GGA2: variants seen among roughly 807,000 people sequenced by gnomAD.
GGA2 encodes golgi associated, gamma adaptin ear containing, ARF binding protein 2, also known as ADP-ribosylation factor-binding protein GGA2.
GGA2 carries 48 observed loss-of-function variants against 79.5 expected under a neutral mutation model. The observed-to-expected ratio is 0.60, with a 90% CI of 0.48 to 0.77. GGA2 has a LOEUF of 0.77. Ranked by LOEUF, GGA2 falls within the 30% of genes least tolerant of loss-of-function variation. GGA2 has a pLI of 0.00. For missense variants in GGA2, 770 were observed against 774.0 expected (o/e 0.99, Z 0.06); for synonymous variants, 317 against 302.0 (o/e 1.05, Z -0.51).
intron 9 of GGA2, among the ~76,000 whole-genome samples, chr16:23,482,325 T>C (rs546968945): frequency 8.5e-4 from 129 of 152,180 alleles, no homozygotes; most frequent in African/African-American, 3.0e-3. Context: ...AGGGAATGGG[T>C]GTGTACAAAG....
intron 11 of GGA2, among the ~76,000 whole-genome samples, chr16:23,479,444 A>G (rs1964619750): frequency 7.0e-6 from 1 of 143,648 alleles, no homozygotes; most frequent in African/African-American, 2.7e-5. Flanking sequence ...AACCACCCTG[A>G]TTCCCTCAGC....
chr16:23,485,489 T>G (rs1156853384), intron 8 of GGA2, among the ~76,000 whole-genome samples: 1 of 152,176 alleles, frequency 6.6e-6, no homozygotes, highest in African/African-American at 2.4e-5. Flanking sequence ...GTTAAATATA[T>G]ACTTAGCATA....
In GGA2 at chr16:23,465,224, G is replaced by A. The variant is rs1029965951; in HGVS notation, c.*2366C>T. On this transcript the variant is annotated 3_prime_UTR_variant, in exon 17 of 17. Transcript: ENST00000309859. ...TGGACTTGAAATCCTGGGCTCAAGC[G>A]GTCATCCCACTCAGCCTCCCAAAAT... The A allele has an allele frequency of 8.2e-5, 53 of 646,412 alleles. No individual in the cohort carries two copies. The highest frequency in any genetic ancestry group is 7.3e-4 in the African/African-American group (41 of 55,810). The allele number at this position is 646,412 out of a possible 1,614,324, so 40.0% of individuals were successfully genotyped here.
intron 10 of GGA2, 40 bp downstream of exon 10, chr16:23,480,604 GC>G: frequency 3.2e-6 from 5 of 1,570,852 alleles, no homozygotes; most frequent in Non-Finnish European, 4.4e-6. Flanking sequence ...ATTACAGGCT[GC>G]CCCAAGGCAG....
chr16:23,486,140 A>G lies in GGA2; in HGVS notation c.673T>C (p.Ser225Pro). 1 of 1,613,778 alleles carries G rather than the reference A, an allele frequency of 6.2e-7. No homozygotes were observed. The highest frequency in any genetic ancestry group is 8.5e-7 in the Non-Finnish European group (1 of 1,179,836). The change falls in exon 8 of 17, where the codon TCG (serine) becomes CCG (proline). Residue 225 changes from serine to proline, a missense_variant. Transcript: ENST00000309859. ...KNLVKEEQEK[S>P]EKVSKRVSAV... Reference sequence around the variant, plus strand: ...CTGACCCTCTTGGACACCTTCTCCGATTTTTCTTGTTCCTTTTGGGAAAAA... The same window carrying G: ...CTGACCCTCTTGGACACCTTCTCCGGTTTTTCTTGTTCCTTTTGGGAAAAA...
At chr16:23,522,238 C>G (rs1947324060), upstream of GGA2, 1 of 183,556 alleles carries the variant, frequency 5.4e-6, no homozygotes, top group South Asian at 1.1e-4. Context: ...TGCATATAAT[C>G]CCTGTGAAAC....
chr16:23,510,630 C>G (rs920304039), upstream of GGA2: 6 of 378,404 alleles, frequency 1.6e-5, 1 homozygote, highest in Non-Finnish European at 4.7e-6. Flanking sequence ...TCTAAGACCA[C>G]TCACCGTACG....
intron 1 of GGA2, among the ~76,000 whole-genome samples, chr16:23,502,525 T>C (rs1187520889): frequency 2.0e-5 from 3 of 152,204 alleles, no homozygotes; most frequent in African/African-American, 4.8e-5. Context: ...GTCTCAGCAA[T>C]TGTCAACAAA....
chr16:23,511,175 C>T (rs1965054767), upstream of GGA2, among the ~76,000 whole-genome samples: 1 of 151,866 alleles, frequency 6.6e-6, no homozygotes, highest in Non-Finnish European at 1.5e-5. Flanking sequence ...TTTTTTGAGA[C>T]GGAGTCTCAC....
chr16:23,468,366 TG>T (rs1468728854), intron 16 of GGA2, among the ~76,000 whole-genome samples: 2 of 152,044 alleles, frequency 1.3e-5, no homozygotes, highest in African/African-American at 4.8e-5. Flanking sequence ...TTAGTAGAGA[TG>T]GGGTTTCACC....
intron 3 of GGA2, chr16:23,493,699 C>T (rs1424260901): frequency 2.1e-6 from 1 of 480,170 alleles, no homozygotes; most frequent in East Asian, 3.9e-5. Flanking sequence ...TGAGGTATGT[C>T]AAACCCTGAG....
In GGA2 at chr16:23,465,497, T is replaced by C. The variant is rs934362901; in HGVS notation, c.*2093A>G. On this transcript the variant is annotated 3_prime_UTR_variant, in exon 17 of 17. Transcript: ENST00000309859. ...AAAAGCAAGAATGTTCAGGTACACA[T>C]GTGTGAGTTCACCTCCTAACTATAG... 1.2e-5 allele frequency: 8 copies of C among 692,750 alleles called. No homozygotes were observed. In the South Asian group the frequency reaches 1.2e-4, roughly 10 times the overall value. The allele number at this position is 692,750 out of a possible 1,614,324, so 42.9% of individuals were successfully genotyped here.
chr16:23,478,949 C>G, intron 11 of GGA2, 38 bp from the exon 12 acceptor site: 7 of 1,424,046 alleles, frequency 4.9e-6, no homozygotes, highest in South Asian at 4.6e-5. Context: ...CTAACAGTAA[C>G]TCCACCTGCT....
chr16:23,491,615 G>T, intron 5 of GGA2, 62 bp downstream of exon 5: 4 of 1,522,288 alleles, frequency 2.6e-6, no homozygotes, highest in Non-Finnish European at 2.7e-6. Context: ...TAAGGCAGAT[G>T]AAAAAGCAAG....
At chr16:23,506,592 C>T (rs1366473614) in intron 1 of GGA2, among the ~76,000 whole-genome samples, 2 of 152,084 alleles carry the variant, frequency 1.3e-5, no homozygotes, top group Non-Finnish European at 2.9e-5. Flanking sequence ...CCAGGGATGC[C>T]ACTAAACATC....
chr16:23,475,189 CTT>C (rs370261106), intron 13 of GGA2, 128 bp from the exon 14 acceptor site: 17,998 of 312,298 alleles, frequency 0.058, no homozygotes, highest in South Asian at 0.091. Context: ...TGTTATATGC[CTT>C]TTTTTTTTTT....
rs201439823 is a variant in GGA2, at chr16:23,470,099, G to A, written c.1517C>T (p.Thr506Met). The change falls in exon 15 of 17, where the codon ACG (threonine) becomes ATG (methionine). Residue 506 changes from threonine (T) to methionine (M), a missense_variant. Thr to Met is a moderately conservative substitution (Grantham distance 81). Transcript: ENST00000309859. ...GFRILLHFSQTGAPGHPEVQV... is the reference protein window; with the variant it reads ...GFRILLHFSQMGAPGHPEVQV... Reference sequence around the variant, plus strand: ...TACCTCTGGGTGCCCAGGGGCTCCCGTCTGGGAGAAGTGGAGCAGAATTCT... The same window carrying A: ...TACCTCTGGGTGCCCAGGGGCTCCCATCTGGGAGAAGTGGAGCAGAATTCT... 1.8e-5 allele frequency: 29 copies of A among 1,610,096 alleles called. No homozygotes were observed. Among genetic ancestry groups the A allele is most frequent in the Non-Finnish European group, 2.2e-5 (26 of 1,178,132 alleles).
intron 13 of GGA2, among the ~76,000 whole-genome samples, chr16:23,477,979 G>T (rs1964595805): frequency 6.6e-6 from 1 of 151,866 alleles, no homozygotes; most frequent in African/African-American, 2.4e-5. Flanking sequence ...GATCACCTGA[G>T]GTCAGGAGTT....
intron 1 of GGA2, among the ~76,000 whole-genome samples, chr16:23,506,200 A>T (rs1393041948): frequency 6.6e-6 from 1 of 152,118 alleles, no homozygotes; most frequent in Non-Finnish European, 1.5e-5. Context: ...TGGTGACTTC[A>T]TGTAGCTCAG....
Sources: gnomAD v4.1 joint callset for allele counts (sites outside exome capture counted in the v4.1 genomes callset) on GRCh38, gnomAD v4.1.1 for gene constraint, MANE v1.5 for transcripts, NCBI Gene and HGNC (gene_info 2026-07-23, HGNC 2026-07-21) for gene names.